The following ACACB variants were observed in gnomAD, a reference collection of about 807,000 sequenced individuals.
ACACB encodes acetyl-CoA carboxylase beta.
ACACB carries 209 observed loss-of-function variants against 278.8 expected under a neutral mutation model. The observed-to-expected ratio is 0.75, with a 90% CI of 0.67 to 0.84. The LOEUF is 0.84. Ranked by LOEUF, ACACB falls within the 40% of genes least tolerant of loss-of-function variation. ACACB has a pLI of 0.00. For synonymous variants in ACACB, 1,174 were observed against 1,285.6 expected (o/e 0.91, Z 1.86); for missense variants, 2,850 against 3,269.0 (o/e 0.87, Z 3.13).
rs1216295967 is a variant in ACACB, at chr12:109,172,371, C to T, written c.1117+15C>T. ...TGCTTTCTTAGGTAGAGTGTGTCCCCATCAGATACATGGGAATTGGGGTAT... is the reference window on the plus strand; with the variant it reads ...TGCTTTCTTAGGTAGAGTGTGTCCCTATCAGATACATGGGAATTGGGGTAT... On this transcript the variant is annotated intron_variant, in intron 6 of 52. Transcript: ENST00000338432. The T allele has an allele frequency of 1.2e-6, 2 of 1,612,014 alleles. No individual in the cohort carries two copies. Among genetic ancestry groups the T allele is most frequent in the Non-Finnish European group, 1.7e-6 (2 of 1,178,360 alleles).
intron 25 of ACACB, 88 bp from the exon 26 acceptor site, chr12:109,222,711 C>A: frequency 6.6e-7 from 1 of 1,504,704 alleles, no homozygotes. Context: ...CATGCACAGT[C>A]CCACCGTGCT....
At chr12:109,187,508 G>A (rs1446116101) in intron 12 of ACACB, among the ~76,000 whole-genome samples, 7 of 151,286 alleles carry the variant, frequency 4.6e-5, no homozygotes, top group Non-Finnish European at 7.4e-5. Context: ...TCACCCAGGC[G>A]GGAGTGCAGT....
At chr12:109,254,422 A>G in intron 44 of ACACB, 88 bp downstream of exon 44, 1 of 1,323,830 alleles carries the variant, frequency 7.6e-7, no homozygotes, top group Non-Finnish European at 1.0e-6. Context: ...CAAGCGCTTG[A>G]GACAAAGGCT....
intron 28 of ACACB, among the ~76,000 whole-genome samples, chr12:109,230,422 T>A (rs1024716477): frequency 2.9e-5 from 4 of 135,886 alleles, no homozygotes; most frequent in African/African-American, 1.2e-4. Flanking sequence ...CTCTTTTGAT[T>A]TTTTTGTTTG....
intron 11 of ACACB, among the ~76,000 whole-genome samples, chr12:109,184,074 A>G (rs1268158934): frequency 6.7e-6 from 1 of 149,326 alleles, no homozygotes. Flanking sequence ...TTTCTTTGAG[A>G]TGGAGTCTCG....
At chr12:109,253,679 A>G (rs1367596304) in intron 43 of ACACB, among the ~76,000 whole-genome samples, 1 of 152,250 alleles carries the variant, frequency 6.6e-6, no homozygotes, top group Non-Finnish European at 1.5e-5. Flanking sequence ...TCGTGGGCAC[A>G]GTTCTTGGTT....
At chr12:109,185,917 G>A (rs938444526) in intron 12 of ACACB, among the ~76,000 whole-genome samples, 177 bp downstream of exon 12, 12 of 151,890 alleles carry the variant, frequency 7.9e-5, no homozygotes, top group South Asian at 2.1e-4. Context: ...TGGATTTATT[G>A]GATTTTTATT....
intron 1 of ACACB, among the ~76,000 whole-genome samples, chr12:109,131,832 A>G (rs2135983598): frequency 6.6e-6 from 1 of 152,272 alleles, no homozygotes; most frequent in South Asian, 2.1e-4. Flanking sequence ...GTTCACTGGA[A>G]GGGCTCGTCT....
At chr12:109,158,974 C>A (rs542056484) in intron 2 of ACACB, among the ~76,000 whole-genome samples, 1 of 19,118 alleles carries the variant, frequency 5.2e-5, no homozygotes, top group East Asian at 1.0e-3. Flanking sequence ...GACTCCCTTT[C>A]GAAACAAACG....
chr12:109,198,244 G>A (rs776376109), intron 17 of ACACB, among the ~76,000 whole-genome samples: 4 of 152,066 alleles, frequency 2.6e-5, no homozygotes, highest in Non-Finnish European at 5.9e-5. Context: ...GAATGTTCAG[G>A]ATTACTATAG....
Position 109,241,662 on chromosome 12 carries a change from G to A in ACACB, c.5022+381G>A, listed in dbSNP as rs546844556. On this transcript the variant is annotated intron_variant, in intron 36 of 52. Coordinates refer to ENST00000338432, the MANE Select transcript of ACACB (RefSeq NM_001093.4). Reference sequence around the variant, plus strand: ...ACGCCTGGCCATATGGCCATATTTGGGATAAGTTGTGCACTACTGTGGTTG... The same window carrying A: ...ACGCCTGGCCATATGGCCATATTTGAGATAAGTTGTGCACTACTGTGGTTG... 2.2e-5 allele frequency: 6 copies of A among 268,334 alleles called. No individual in the cohort carries two copies. The South Asian group carries it at 2.9e-4, about 13-fold the overall frequency. 16.6% of individuals were successfully genotyped at this position (268,334 alleles called of 1,614,324 possible).
At chr12:109,160,751 T>C (rs7299500) in intron 2 of ACACB, among the ~76,000 whole-genome samples, 115,272 of 151,852 alleles carry the variant, frequency 0.76, 44,094 homozygotes, top group Middle Eastern at 0.87. Flanking sequence ...GCCACTTGCC[T>C]GGAGATTGGG....
chr12:109,243,249 C>T (rs1338417769), intron 37 of ACACB, among the ~76,000 whole-genome samples: 2 of 152,152 alleles, frequency 1.3e-5, no homozygotes. Context: ...GTCTAGACAG[C>T]TGTGGGAAAG....
chr12:109,214,074 G>A (rs2045923180), intron 22 of ACACB, among the ~76,000 whole-genome samples: 1 of 150,642 alleles, frequency 6.6e-6, no homozygotes, highest in African/African-American at 2.4e-5. Context: ...GGGTGATGTA[G>A]CGAGACCCTG....
At chr12:109,221,438 A>G (rs942871785) in intron 24 of ACACB, among the ~76,000 whole-genome samples, 8 of 152,182 alleles carry the variant, frequency 5.3e-5, no homozygotes, top group African/African-American at 1.9e-4. Context: ...CCCAAGCCCC[A>G]TATGCACTTA....
At chr12:109,149,393 G>A (rs895187177) in intron 2 of ACACB, among the ~76,000 whole-genome samples, 3 of 152,126 alleles carry the variant, frequency 2.0e-5, no homozygotes, top group Non-Finnish European at 2.9e-5. Flanking sequence ...TCCTTTATAT[G>A]TGGAGGAATG....
intron 1 of ACACB, among the ~76,000 whole-genome samples, chr12:109,129,240 A>G (rs1436810804): frequency 6.6e-6 from 1 of 152,214 alleles, no homozygotes; most frequent in Non-Finnish European, 1.5e-5. Context: ...CATGTAGAGC[A>G]GGAGAGTGTG....
chr12:109,238,477 T>TTA (rs2046702506), intron 34 of ACACB, among the ~76,000 whole-genome samples: 1 of 138,568 alleles, frequency 7.2e-6, no homozygotes, highest in Non-Finnish European at 1.5e-5. Flanking sequence ...ATATAATATG[T>TTA]TATATAACAT....
rs1240460009 is a variant in ACACB, at chr12:109,210,027, ATATATGTG to A, written c.3249+688_3249+695del. On this transcript the variant is annotated intron_variant, in intron 21 of 52. Transcript: ENST00000338432. ...TATGTGTATATATACACACGTGTGT[ATATATGTG>A]TATATGTGTATATATACACACACGT... Among the ~76,000 whole-genome samples the A allele has an allele frequency of 2.7e-5, 3 of 110,288 alleles. 1 individual carries two copies. Among genetic ancestry groups the A allele is most frequent in the Non-Finnish European group, 5.5e-5 (3 of 54,650 alleles). The allele number at this position is 110,288 out of a possible 152,430, so 72.4% of individuals were successfully genotyped here.
Sources: gnomAD v4.1 joint callset for allele counts (sites outside exome capture counted in the v4.1 genomes callset) on GRCh38, gnomAD v4.1.1 for gene constraint, MANE v1.5 for transcripts, NCBI Gene and HGNC (gene_info 2026-07-23, HGNC 2026-07-21) for gene names.